CNOT6L: variants seen among roughly 807,000 people sequenced by gnomAD.
CNOT6L encodes CCR4-NOT transcription complex subunit 6 like.
A neutral mutation model predicts 64.0 loss-of-function variants in CNOT6L; 7 were observed. That is an observed-to-expected ratio of 0.11 (90% CI 0.06 to 0.21). The LOEUF is 0.21. Ranked by LOEUF, CNOT6L falls within the 10% of genes least tolerant of loss-of-function variation. CNOT6L has a pLI of 1.00. For missense variants in CNOT6L, 245 were observed against 669.0 expected, an observed-to-expected ratio of 0.37 and a Z score of 6.99; for synonymous variants, 193 against 243.4, an observed-to-expected ratio of 0.79 and a Z score of 1.93.
At position 77,742,374 on chromosome 4, in the gene CNOT6L, G is replaced by A. The variant is rs1207696368; in HGVS notation, c.718-79C>T. 5.5e-6 allele frequency: 7 copies of A among 1,262,528 alleles called. No homozygotes were observed. The East Asian group carries it at 1.5e-4, about 27-fold the overall frequency. The allele number at this position is 1,262,528 out of a possible 1,614,324, so 78.2% of individuals were successfully genotyped here. Reference sequence around the variant, plus strand: ...GATATAAAAATGTTCAGCATTATGAGTAAGATGTAACTTAGTAAAAATAAT... The same window carrying A: ...GATATAAAAATGTTCAGCATTATGAATAAGATGTAACTTAGTAAAAATAAT... On this transcript the variant is annotated intron_variant, in intron 7 of 11. Transcript: ENST00000504123.
intron 5 of CNOT6L, among the ~76,000 whole-genome samples, chr4:77,753,222 A>C (rs1725052356): frequency 6.6e-6 from 1 of 151,290 alleles, no homozygotes; most frequent in Admixed American, 6.6e-5. Flanking sequence ...AAGAAAAAAA[A>C]AATTCAACCT....
chr4:77,817,204 G>A (rs192541942), intron 1 of CNOT6L, among the ~76,000 whole-genome samples: 516 of 151,350 alleles, frequency 3.4e-3, no homozygotes, highest in African/African-American at 0.012. Context: ...ACTGAGAGAT[G>A]GTCTATTTGA....
intron 1 of CNOT6L, among the ~76,000 whole-genome samples, chr4:77,791,358 C>T (rs775414824): frequency 6.6e-6 from 1 of 151,978 alleles, no homozygotes; most frequent in Non-Finnish European, 1.5e-5. Context: ...ATTGAGAAAG[C>T]TATATATTAC....
At chr4:77,758,472 G>A (rs1172166642) in intron 4 of CNOT6L, among the ~76,000 whole-genome samples, 1 of 152,180 alleles carries the variant, frequency 6.6e-6, no homozygotes, top group African/African-American at 2.4e-5. Flanking sequence ...TGGAGTTCTA[G>A]AAAGAAGAAC....
rs1721160720 is a variant in CNOT6L, at chr4:77,720,440, A to G, written c.1659T>C (p.Asn553=). ...LPLVNGVHLP[N]RR ...GCGGGGCAGTACTCCACTACCTCCG[A>G]TTAGGCAAGTGAACACCATTGACAA... The change falls in exon 12 of 12, where the codon AAT becomes AAC. Residue 553 remains asparagine (N), a synonymous_variant. Coordinates refer to ENST00000504123, the MANE Select transcript of CNOT6L (RefSeq NM_144571.3). The G allele has an allele frequency of 6.2e-7, 1 of 1,613,380 alleles. No individual in the cohort carries two copies. Among genetic ancestry groups the G allele is most frequent in the South Asian group, 1.1e-5 (1 of 91,072 alleles).
In CNOT6L at chr4:77,714,944, A is replaced by C. The variant is rs1023447022; in HGVS notation, c.*5487T>G. 6.6e-6 allele frequency: 1 copy of C among 152,566 alleles called. No homozygotes were observed. Among genetic ancestry groups the C allele is most frequent in the Non-Finnish European group, 1.5e-5 (1 of 68,014 alleles). The allele number at this position is 152,566 out of a possible 1,614,324, so 9.5% of individuals were successfully genotyped here. ...CATTGTTTGACATCAATGCTGAACC[A>C]ATTTTGTGACTTCAGATAACTACAA... On this transcript the variant is annotated 3_prime_UTR_variant, in exon 12 of 12. Coordinates refer to ENST00000504123, the MANE Select transcript of CNOT6L (RefSeq NM_144571.3).
At chr4:77,774,405 C>G (rs1184697301) in intron 3 of CNOT6L, 125 bp downstream of exon 3, 2 of 763,542 alleles carry the variant, frequency 2.6e-6, no homozygotes, top group African/African-American at 1.8e-5. Flanking sequence ...AAGCACTATG[C>G]TTAGACAGTT....
At chr4:77,782,501 T>A (rs1188259539) in intron 1 of CNOT6L, among the ~76,000 whole-genome samples, 1 of 61,660 alleles carries the variant, frequency 1.6e-5, no homozygotes, top group Non-Finnish European at 4.5e-5. Flanking sequence ...CCCAGCTAAT[T>A]TTATTTTATT....
At chr4:77,754,747 T>A (rs1214096726) in intron 5 of CNOT6L, among the ~76,000 whole-genome samples, 4 of 151,688 alleles carry the variant, frequency 2.6e-5, no homozygotes, top group Non-Finnish European at 5.9e-5. Context: ...GAAATAGACC[T>A]ACACATACAT....
intron 1 of CNOT6L, among the ~76,000 whole-genome samples, chr4:77,801,776 G>A (rs1248581948): frequency 6.8e-6 from 1 of 146,714 alleles, no homozygotes; most frequent in African/African-American, 2.5e-5. Context: ...TGTAGTCCCA[G>A]CTACTCAGAA....
intron 7 of CNOT6L, among the ~76,000 whole-genome samples, chr4:77,743,790 T>C (rs1431323790): frequency 2.0e-5 from 3 of 151,758 alleles, no homozygotes; most frequent in African/African-American, 4.8e-5. Flanking sequence ...TTAGTAGATA[T>C]GGGGTTTCAC....
chr4:77,743,586 CTTTTTTTT>C (rs142888128), intron 7 of CNOT6L, among the ~76,000 whole-genome samples: 11 of 70,892 alleles, frequency 1.6e-4, no homozygotes, highest in Admixed American at 1.1e-3. Context: ...TAACACACAA[CTTTTTTTT>C]TTTTTTTTTT....
At chr4:77,760,176 C>G (rs1290814707) in intron 4 of CNOT6L, among the ~76,000 whole-genome samples, 1 of 152,008 alleles carries the variant, frequency 6.6e-6, no homozygotes, top group African/African-American at 2.4e-5. Context: ...AGTTCAAGAC[C>G]AGCCTGGGCA....
chr4:77,757,167 A>G (rs904294043), intron 4 of CNOT6L, among the ~76,000 whole-genome samples: 1 of 152,192 alleles, frequency 6.6e-6, no homozygotes, highest in Non-Finnish European at 1.5e-5. Context: ...ATATATACAC[A>G]TATACATAAA....
intron 1 of CNOT6L, among the ~76,000 whole-genome samples, chr4:77,803,899 T>C (rs561621999): frequency 6.6e-6 from 1 of 150,548 alleles, no homozygotes; most frequent in South Asian, 2.1e-4. Context: ...CGAAATTCCG[T>C]CTCAAAAAAA....
chr4:77,798,098 GGAGA>G (rs1182618182), intron 1 of CNOT6L, among the ~76,000 whole-genome samples: 1 of 152,170 alleles, frequency 6.6e-6, no homozygotes, highest in East Asian at 1.9e-4. Context: ...GGCCAAGGAA[GGAGA>G]AGCACTTGAG....
chr4:77,728,792 T>A, intron 10 of CNOT6L, 62 bp downstream of exon 10: 1 of 1,309,286 alleles, frequency 7.6e-7, no homozygotes, highest in Non-Finnish European at 1.1e-6. Flanking sequence ...AGGAGCTAGC[T>A]GGCCTTTGAA....
intron 8 of CNOT6L, among the ~76,000 whole-genome samples, chr4:77,735,899 CA>C (rs1372575808): frequency 9.2e-5 from 14 of 152,098 alleles, no homozygotes; most frequent in African/African-American, 3.4e-4. Flanking sequence ...TTTAAAAATA[CA>C]TGATTAGTTA....
At chr4:77,754,411 G>A (rs891156065) in intron 5 of CNOT6L, among the ~76,000 whole-genome samples, 2 of 152,086 alleles carry the variant, frequency 1.3e-5, no homozygotes, top group African/African-American at 2.4e-5. Context: ...TAAAACTACT[G>A]AGAGAAATTA....
Sources: allele counts gnomAD v4.1 joint callset (sites outside exome capture counted in the v4.1 genomes callset), GRCh38; gene constraint gnomAD v4.1.1; transcripts MANE v1.5; gene names NCBI Gene and HGNC (gene_info 2026-07-23, HGNC 2026-07-21).